Variants in TMEM212 observed in about 807,000 individuals in gnomAD.
TMEM212 encodes transmembrane protein 212.
Under a neutral mutation model 20.5 loss-of-function variants are expected in TMEM212, and 23 were observed. The observed-to-expected ratio is 1.12, with a 90% CI of 0.81 to 1.59. The LOEUF (loss-of-function observed/expected upper bound fraction) is 1.59, where lower values mean the gene tolerates loss of function less well. Among genes scored for constraint, TMEM212 ranks in the 40% most tolerant of loss-of-function variants. TMEM212 has a pLI of 0.00. For missense variants in TMEM212, 211 were observed against 215.0 expected (o/e 0.98, Z 0.12); for synonymous variants, 76 against 81.6 (o/e 0.93, Z 0.37).
At chr3:171,851,061 T>A (rs1724966676) in intron 1 of TMEM212, among the ~76,000 whole-genome samples, 1 of 152,238 alleles carries the variant, frequency 6.6e-6, no homozygotes. Flanking sequence ...GTCATGCTTA[T>A]TTCTCTGTCA....
Position 171,851,972 on chromosome 3 carries a change from C to A in TMEM212, c.160-10C>A, listed in dbSNP as rs1359761104. On this transcript the variant is annotated splice_polypyrimidine_tract_variant and intron_variant, in intron 1 of 4. Coordinates refer to ENST00000334567, the MANE Select transcript of TMEM212 (RefSeq NM_001164436.2). Reference sequence around the variant, plus strand: ...TGGTGGATGTTTATTTTTCCATTTTCTTGTCACAGGCCATCACAACTGGTG... The same window carrying A: ...TGGTGGATGTTTATTTTTCCATTTTATTGTCACAGGCCATCACAACTGGTG... The A allele has an allele frequency of 6.5e-7, 1 of 1,536,634 alleles. No homozygotes were observed. The highest frequency in any genetic ancestry group is 8.7e-7 in the Non-Finnish European group (1 of 1,146,490).
intron 1 of TMEM212, among the ~76,000 whole-genome samples, chr3:171,844,535 G>A (rs556697182): frequency 5.6e-4 from 85 of 152,120 alleles, no homozygotes; most frequent in African/African-American, 1.8e-3. Context: ...GCGAAACCCC[G>A]TCACTACTAA....
At chr3:171,851,129 A>AT (rs1347365727) in intron 1 of TMEM212, among the ~76,000 whole-genome samples, 1 of 152,224 alleles carries the variant, frequency 6.6e-6, no homozygotes, top group African/African-American at 2.4e-5. Flanking sequence ...TTTTAGGCAC[A>AT]TCTCTTCCTC....
intron 1 of TMEM212, among the ~76,000 whole-genome samples, chr3:171,847,445 T>C (rs1724863044): frequency 6.6e-6 from 1 of 152,230 alleles, no homozygotes. Context: ...CTTGATTACA[T>C]GACCATGCAC....
chr3:171,847,418 G>A (rs1026427220), intron 1 of TMEM212, among the ~76,000 whole-genome samples: 10 of 152,332 alleles, frequency 6.6e-5, no homozygotes, highest in East Asian at 3.9e-4. Context: ...CCCCTTCCTC[G>A]ACGGTTAGAG....
intron 1 of TMEM212, among the ~76,000 whole-genome samples, chr3:171,848,876 C>G (rs1724902487): frequency 1.3e-5 from 2 of 151,062 alleles, no homozygotes; most frequent in South Asian, 4.2e-4. Flanking sequence ...ATGTCTAGGC[C>G]TCCCCGTATT....
At chr3:171,853,358 A>G (rs1725029948) in intron 2 of TMEM212, among the ~76,000 whole-genome samples, 169 bp from the exon 3 acceptor site, 1 of 151,986 alleles carries the variant, frequency 6.6e-6, no homozygotes, top group African/African-American at 2.4e-5. Flanking sequence ...TACAAGGGAC[A>G]TTTTTAAGGG....
At chr3:171,854,876 T>G (rs972434725) in intron 3 of TMEM212, among the ~76,000 whole-genome samples, 5 of 152,182 alleles carry the variant, frequency 3.3e-5, no homozygotes, top group African/African-American at 1.2e-4. Context: ...GGCTTTGTTG[T>G]TCAAGAAAAA....
intron 2 of TMEM212, 58 bp from the exon 3 acceptor site, chr3:171,853,469 A>C: frequency 7.0e-7 from 1 of 1,426,994 alleles, no homozygotes; most frequent in Non-Finnish European, 9.3e-7. Flanking sequence ...CATATTGCTA[A>C]GAAGCCTTTG....
At chr3:171,844,435 T>C (rs3929517) in intron 1 of TMEM212, among the ~76,000 whole-genome samples, 152,042 of 152,338 alleles carry the variant, frequency 1, 75,874 homozygotes, top group South Asian at 1. Flanking sequence ...TGGCCGGGCA[T>C]GGTGGCTCAC....
At chr3:171,845,586 T>C (rs1021867733) in intron 1 of TMEM212, among the ~76,000 whole-genome samples, 4 of 152,220 alleles carry the variant, frequency 2.6e-5, no homozygotes, top group African/African-American at 9.7e-5. Context: ...CAAACATCTA[T>C]TTTTACCAGT....
intron 2 of TMEM212, among the ~76,000 whole-genome samples, chr3:171,852,649 A>G (rs1578518032): frequency 6.6e-6 from 1 of 152,204 alleles, no homozygotes; most frequent in African/African-American, 2.4e-5. Flanking sequence ...TTTTAGTAAC[A>G]TATTTTTAAT....
intron 1 of TMEM212, among the ~76,000 whole-genome samples, chr3:171,849,072 T>C (rs1379764861): frequency 1.3e-5 from 2 of 152,114 alleles, no homozygotes; most frequent in African/African-American, 4.8e-5. Flanking sequence ...TCTACTCTTC[T>C]CTGCCAAGAA....
At chr3:171,850,854 C>T (rs1001275101) in intron 1 of TMEM212, among the ~76,000 whole-genome samples, 1 of 151,896 alleles carries the variant, frequency 6.6e-6, no homozygotes, top group Non-Finnish European at 1.5e-5. Flanking sequence ...TGTGTGCACG[C>T]GCGTGTGTGT....
chr3:171,849,592 T>A (rs1453888419), intron 1 of TMEM212, among the ~76,000 whole-genome samples: 5 of 152,230 alleles, frequency 3.3e-5, no homozygotes, highest in Admixed American at 6.5e-5. Flanking sequence ...TATTACTTTA[T>A]CAGCACAGTA....
intron 3 of TMEM212, among the ~76,000 whole-genome samples, chr3:171,854,333 G>T (rs186142844): frequency 8.5e-4 from 129 of 152,124 alleles, no homozygotes; most frequent in African/African-American, 2.9e-3. Context: ...AAAGCTGCAG[G>T]ATGCAAGTTC....
intron 2 of TMEM212, 142 bp downstream of exon 2, chr3:171,852,183 G>T (rs564535671): frequency 1.5e-6 from 1 of 656,012 alleles, no homozygotes; most frequent in Non-Finnish European, 2.5e-6. Flanking sequence ...ATGGATTTCA[G>T]AAATAAACTC....
At chr3:171,844,409 T>C (rs3929518) in intron 1 of TMEM212, among the ~76,000 whole-genome samples, 64,930 of 152,138 alleles carry the variant, frequency 0.43, 14,516 homozygotes, top group Admixed American at 0.48. Context: ...GAATCTTCTA[T>C]TAAAATGTAG....
Position 171,853,678 on chromosome 3 carries a change from T to G in TMEM212, c.371T>G (p.Phe124Cys). ...GTNYLGYAVT[F>C]PYPYAKFPLA... is the part of the protein sequence containing the mutation. ...AATTACCTTGGCTATGCAGTTACCT[T>G]TCCTTATCCATATGCAAAATTCCCA... The change falls in exon 3 of 5, where the codon TTT (phenylalanine) becomes TGT (cysteine). Residue 124 changes from phenylalanine to cysteine, a missense_variant. Physicochemically the swap from Phe to Cys is radical, Grantham distance 205. Coordinates refer to ENST00000334567, the MANE Select transcript of TMEM212 (RefSeq NM_001164436.2). 1.3e-6 allele frequency: 2 copies of G among 1,537,478 alleles called. No homozygotes were observed. Among genetic ancestry groups the G allele is most frequent in the Non-Finnish European group, 1.7e-6 (2 of 1,146,930 alleles).
Sources: allele counts gnomAD v4.1 joint callset (sites outside exome capture counted in the v4.1 genomes callset), GRCh38; gene constraint gnomAD v4.1.1; transcripts MANE v1.5; gene names NCBI Gene and HGNC (gene_info 2026-07-23, HGNC 2026-07-21).